The following LRRIQ1 variants were observed in gnomAD, a reference collection of about 807,000 sequenced individuals.
LRRIQ1 encodes the protein leucine rich repeats and IQ motif containing 1.
Under a neutral mutation model 211.9 loss-of-function variants are expected in LRRIQ1, and 210 were observed. The ratio of observed to expected loss-of-function variants is 0.99; its 90% CI spans 0.89 to 1.11. LRRIQ1 has a LOEUF of 1.11. Among genes scored for constraint, LRRIQ1 ranks in the 50% most tolerant of loss-of-function variants. The probability of loss-of-function intolerance (pLI) is 0.00; values close to 1 mark genes in which losing one functional copy is unlikely to be tolerated. For missense variants in LRRIQ1, 2,136 were observed against 1,939.5 expected (o/e 1.10, Z -1.90); for synonymous variants, 699 against 650.1 (o/e 1.08, Z -1.14).
intron 8 of LRRIQ1, among the ~76,000 whole-genome samples, chr12:85,057,562 G>A (rs1881271922): frequency 6.6e-6 from 1 of 151,964 alleles, no homozygotes; most frequent in Non-Finnish European, 1.5e-5. Flanking sequence ...ACCACCTAGT[G>A]GCTGCTTTTG....
At position 85,125,073 on chromosome 12, in the gene LRRIQ1, G is replaced by A. The variant is rs1380848727; in HGVS notation, c.4007+554G>A. On this transcript the variant is annotated intron_variant, in intron 17 of 26. Coordinates refer to ENST00000393217, the MANE Select transcript of LRRIQ1 (RefSeq NM_001079910.2). ...GGGTGCCTGTAGTCCCAGCTACTTG[G>A]GAGGCTGAGGCAGGAGAATGGCGTG... Among the ~76,000 whole-genome samples, 3 of 151,982 alleles carry A rather than the reference G, an allele frequency of 2.0e-5. No homozygotes were observed. The South Asian group carries it at 6.2e-4, about 32-fold the overall frequency.
intron 1 of LRRIQ1, among the ~76,000 whole-genome samples, chr12:85,251,172 A>G (rs1204920867): frequency 6.7e-6 from 1 of 150,346 alleles, no homozygotes; most frequent in African/African-American, 2.4e-5. Context: ...TCCAAGTATT[A>G]TTTATTCACA....
chr12:85,247,738 T>C (rs1047593819), downstream of LRRIQ1, among the ~76,000 whole-genome samples: 4 of 151,652 alleles, frequency 2.6e-5, no homozygotes, highest in African/African-American at 9.7e-5. Context: ...GGTAATTCTC[T>C]TGAGTCATTA....
chr12:85,263,572 ATAGAT>A (rs1394948881), exon 2 of LRRIQ1: 2 of 151,982 alleles, frequency 1.3e-5, no homozygotes, highest in Non-Finnish European at 2.9e-5. Context: ...ATTATCTTAA[ATAGAT>A]TAGAGAGTAA....
At chr12:85,248,151 T>C (rs1350261345), downstream of LRRIQ1, among the ~76,000 whole-genome samples, 2 of 151,648 alleles carry the variant, frequency 1.3e-5, no homozygotes, top group African/African-American at 4.8e-5. Flanking sequence ...AATAATACTT[T>C]TATTGTTAGA....
intron 11 of LRRIQ1, among the ~76,000 whole-genome samples, chr12:85,092,386 A>T (rs1885483600): frequency 6.6e-6 from 1 of 152,142 alleles, no homozygotes; most frequent in African/African-American, 2.4e-5. Context: ...TCTTTCCTGC[A>T]CTGTGCACTT....
intron 19 of LRRIQ1, among the ~76,000 whole-genome samples, chr12:85,142,291 G>A (rs978550987): frequency 6.6e-6 from 1 of 151,328 alleles, no homozygotes; most frequent in African/African-American, 2.4e-5. Flanking sequence ...CCTGCTTGGA[G>A]TTGGTGAGAT....
intron 15 of LRRIQ1, among the ~76,000 whole-genome samples, chr12:85,108,902 A>G (rs1886970103): frequency 6.6e-6 from 1 of 152,148 alleles, no homozygotes. Flanking sequence ...TAGGACCATT[A>G]GAGTTTAAAT....
intron 24 of LRRIQ1, among the ~76,000 whole-genome samples, chr12:85,199,519 T>C (rs924209574): frequency 6.6e-6 from 1 of 152,170 alleles, no homozygotes; most frequent in East Asian, 1.9e-4. Flanking sequence ...CCTTATAGTA[T>C]AGTTTAAAGT....
chr12:85,160,555 T>C, intron 23 of LRRIQ1, 58 bp from the exon 24 acceptor site: 1 of 1,072,976 alleles, frequency 9.3e-7, no homozygotes, highest in South Asian at 1.4e-5. Flanking sequence ...TATGTGGACA[T>C]TTAGAGAAGG....
exon 2 of LRRIQ1, chr12:85,263,159 T>A (rs1896346531): frequency 1.4e-6 from 1 of 694,964 alleles, no homozygotes; most frequent in Non-Finnish European, 1.8e-6. Context: ...TAGACTCCTA[T>A]ATTTAATTTG....
At chr12:85,237,520 CTCAT>C (rs1895246364) in intron 26 of LRRIQ1, among the ~76,000 whole-genome samples, 1 of 151,988 alleles carries the variant, frequency 6.6e-6, no homozygotes, top group Non-Finnish European at 1.5e-5. Flanking sequence ...CACTATGTGA[CTCAT>C]TGAGGTCCAG....
At chr12:85,258,068 A>G (rs1896173692) in intron 1 of LRRIQ1, among the ~76,000 whole-genome samples, 1 of 151,966 alleles carries the variant, frequency 6.6e-6, no homozygotes, top group Admixed American at 6.6e-5. Context: ...CTATGCATTT[A>G]TCAAAATGAG....
rs151149758 is a variant in LRRIQ1, at chr12:85,066,837, T to C, written c.2634T>C (p.Gly878=). The part of the protein sequence containing the change: ...LNKNQLTSLH[G]LDGCTNIQCL... ...AAAATCAACTGACTTCTCTTCATGG[T>C]TTGGATGGCTGTACTAATATTCAGT... The change falls in exon 10 of 27, where the codon GGT becomes GGC. Residue 878 remains glycine, a synonymous_variant. Coordinates refer to ENST00000393217, the MANE Select transcript of LRRIQ1 (RefSeq NM_001079910.2). The C allele has an allele frequency of 6.2e-5, 98 of 1,592,730 alleles. No individual in the cohort carries two copies. The highest frequency in any genetic ancestry group is 1.8e-5 in the Non-Finnish European group (21 of 1,166,562).
intron 11 of LRRIQ1, among the ~76,000 whole-genome samples, chr12:85,091,549 T>C (rs967351464): frequency 1.3e-5 from 2 of 152,190 alleles, no homozygotes; most frequent in Non-Finnish European, 2.9e-5. Flanking sequence ...GCAATTGCTT[T>C]TGGGGACTTA....
At chr12:85,158,440 T>C (rs1890680323) in intron 23 of LRRIQ1, among the ~76,000 whole-genome samples, 1 of 151,884 alleles carries the variant, frequency 6.6e-6, no homozygotes, top group South Asian at 2.1e-4. Context: ...AAAAAATGGG[T>C]AATAATAACC....
chr12:85,183,497 T>A (rs764120631), intron 24 of LRRIQ1, among the ~76,000 whole-genome samples: 27 of 151,942 alleles, frequency 1.8e-4, no homozygotes, highest in Non-Finnish European at 4.0e-4. Context: ...TTCTCCTTGA[T>A]TTTTTTTCAG....
intron 24 of LRRIQ1, among the ~76,000 whole-genome samples, chr12:85,174,701 C>CAAAAAAAAAA (rs71076115): frequency 0.014 from 306 of 21,582 alleles, 85 homozygotes; most frequent in African/African-American, 0.07. Flanking sequence ...GAGTACAGCT[C>CAAAAAAAAAA]AAAAAAAAAA....
intron 24 of LRRIQ1, among the ~76,000 whole-genome samples, chr12:85,184,363 C>T (rs1892132753): frequency 6.6e-6 from 1 of 151,920 alleles, no homozygotes; most frequent in Admixed American, 6.6e-5. Flanking sequence ...TAAGTAAATA[C>T]ATCACATGTA....
Sources: allele counts gnomAD v4.1 joint callset (sites outside exome capture counted in the v4.1 genomes callset), GRCh38; gene constraint gnomAD v4.1.1; transcripts MANE v1.5; gene names NCBI Gene and HGNC (gene_info 2026-07-23, HGNC 2026-07-21).